The following GABARAPL1 variants were observed in gnomAD, a reference collection of about 807,000 sequenced individuals.
The protein encoded by GABARAPL1 is GABA type A receptor associated protein like 1.
Under a neutral mutation model 14.5 loss-of-function variants are expected in GABARAPL1, and 4 were observed. The ratio of observed to expected loss-of-function variants is 0.28; its 90% confidence interval spans 0.14 to 0.63. The LOEUF is 0.63. Among genes scored for constraint, GABARAPL1 ranks in the 30% least tolerant of loss-of-function variants. GABARAPL1 has a pLI of 0.84. For synonymous variants in GABARAPL1, 47 were observed against 50.6 expected, an observed-to-expected ratio of 0.93 and a Z score of 0.30; for missense variants, 82 against 139.2, an observed-to-expected ratio of 0.59 and a Z score of 2.07.
At chr12:10,218,174 C>T (rs763787334) in intron 2 of GABARAPL1, 33 bp downstream of exon 2, 27 of 1,300,076 alleles carry the variant, frequency 2.1e-5, no homozygotes, top group African/African-American at 1.3e-4. Context: ...ACCCTTCCTC[C>T]GGTGAAAAAA....
chr12:10,213,265 G>T, intron 1 of GABARAPL1, 46 bp downstream of exon 1: 1 of 1,219,356 alleles, frequency 8.2e-7, no homozygotes, highest in South Asian at 1.3e-5. Context: ...GGGCCCGCGG[G>T]GGCGGGGGCG....
chr12:10,221,865 C>G lies in GABARAPL1; in HGVS notation c.*13C>G. 1 of 1,613,450 alleles carries G rather than the reference C, an allele frequency of 6.2e-7. No individual in the cohort carries two copies. Among genetic ancestry groups the G allele is most frequent in the Non-Finnish European group, 8.5e-7 (1 of 1,179,550 alleles). The stretch of plus-strand genomic sequence containing the variant: ...CTATGGGAAATGAGTGGTTGGAAGC[C>G]CAGCAGATGGGAGCACCTGGACTTG... On this transcript the variant is annotated 3_prime_UTR_variant, in exon 4 of 4. Transcript: ENST00000266458.
In GABARAPL1 at chr12:10,221,940, C is replaced by T. The variant is rs1949122038; in HGVS notation, c.*88C>T. 8.6e-7 allele frequency: 1 copy of T among 1,158,852 alleles called. No homozygotes were observed. The highest frequency in any genetic ancestry group is 1.5e-5 in the African/African-American group (1 of 66,216). 71.8% of individuals were successfully genotyped at this position (1,158,852 alleles called of 1,614,324 possible). A position where few individuals can be genotyped will look rare whatever the true frequency, so the allele number is the denominator to read the frequency against. On this transcript the variant is annotated 3_prime_UTR_variant, in exon 4 of 4. Transcript: ENST00000266458. ...GCGACATGGGGAAAGAGGGTGGCTC[C>T]CACCGCAAGGAGACAGAAGGTGAAG... is the stretch of plus-strand genomic sequence containing the variant.
At chr12:10,220,245 CTG>C (rs1949113047) in intron 2 of GABARAPL1, among the ~76,000 whole-genome samples, 193 bp from the exon 3 acceptor site, 1 of 152,142 alleles carries the variant, frequency 6.6e-6, no homozygotes. Flanking sequence ...AAGTCAGGGA[CTG>C]TGTGGGCTTC....
chr12:10,222,079 A>T lies in GABARAPL1; in HGVS notation c.*227A>T, dbSNP rs994964154. On this transcript the variant is annotated 3_prime_UTR_variant, in exon 4 of 4. Transcript: ENST00000266458. ...AAGCATGTCAGGACAGAGCTGTTGG[A>T]TTGGCTTTGATAGAGGAATGGGGAT... is the stretch of plus-strand genomic sequence containing the variant. 2.4e-5 allele frequency: 13 copies of T among 539,476 alleles called. No homozygotes were observed. The Admixed American group carries it at 4.0e-4, about 17-fold the overall frequency. The allele number at this position is 539,476 out of a possible 1,614,324, so 33.4% of individuals were successfully genotyped here. A position where few individuals can be genotyped will look rare whatever the true frequency, so the allele number is the denominator to read the frequency against.
intron 1 of GABARAPL1, among the ~76,000 whole-genome samples, chr12:10,216,634 G>A (rs1949091694): frequency 6.7e-6 from 1 of 149,638 alleles, no homozygotes; most frequent in Non-Finnish European, 1.5e-5. Flanking sequence ...CTGCCTCCCA[G>A]GTTCATGCGA....
rs1380082324 is a variant in GABARAPL1 at position 10,222,491 on chromosome 12, A to G, written c.*639A>G. 3.3e-5 allele frequency: 5 copies of G among 153,194 alleles called. No individual in the cohort carries two copies. The highest frequency in any genetic ancestry group is 7.3e-5 in the Non-Finnish European group (5 of 68,472). 9.5% of individuals were successfully genotyped at this position (153,194 alleles called of 1,614,324 possible). ...TACCTTTGGAAAATAGGGGTTAGGC[A>G]TGAAGGTGGTTGTGATTAAGAAGAT... is the stretch of plus-strand genomic sequence containing the variant. On this transcript the variant is annotated 3_prime_UTR_variant, in exon 4 of 4. Coordinates refer to ENST00000266458, the MANE Select transcript of GABARAPL1 (RefSeq NM_031412.4).
intron 2 of GABARAPL1, among the ~76,000 whole-genome samples, chr12:10,219,356 C>T (rs538466970): frequency 2.3e-4 from 35 of 151,084 alleles, no homozygotes; most frequent in Admixed American, 1.8e-3. Context: ...CCCCAAAATT[C>T]GGCTTTGTTA....
rs374900507 is a variant in GABARAPL1, at chr12:10,218,167, C to T, written c.169+26C>T. 3 of 1,381,148 alleles carry T rather than the reference C, an allele frequency of 2.2e-6. No individual in the cohort carries two copies. The Admixed American group carries it at 5.0e-5, about 23-fold the overall frequency. The allele number at this position is 1,381,148 out of a possible 1,614,324, so 85.6% of individuals were successfully genotyped here. ...GTAATGCTCTTTGCCTTCCCTGACC[C>T]TTCCTCCGGTGAAAAAACTCTCTAG... On this transcript the variant is annotated intron_variant, in intron 2 of 3. Transcript: ENST00000266458.
At chr12:10,219,661 A>G (rs1038682774) in intron 2 of GABARAPL1, among the ~76,000 whole-genome samples, 54 of 151,714 alleles carry the variant, frequency 3.6e-4, no homozygotes, top group African/African-American at 1.2e-3. Flanking sequence ...TTAGCTGGGC[A>G]TGGTGGCGCG....
Position 10,212,986 on chromosome 12 carries a change from A to C in GABARAPL1, c.-144A>C. The stretch of plus-strand genomic sequence containing the variant: ...TCCCCGCCCCGAACCCCCCCTGCAC[A>C]CTCGGCCCAGCGCTGTTGCCCCCGG... On this transcript the variant is annotated 5_prime_UTR_variant, in exon 1 of 4. Transcript: ENST00000266458. The C allele has an allele frequency of 1.5e-4, 78 of 523,528 alleles. No homozygotes were observed. Among genetic ancestry groups the C allele is most frequent in the East Asian group, 2.0e-4 (6 of 30,622 alleles). 32.4% of individuals were successfully genotyped at this position (523,528 alleles called of 1,614,324 possible).
chr12:10,217,447 G>A (rs560196945), intron 1 of GABARAPL1, among the ~76,000 whole-genome samples: 11 of 152,240 alleles, frequency 7.2e-5, no homozygotes, highest in Admixed American at 6.5e-4. Context: ...AATACCAGAA[G>A]GTGGCCAGGC....
Position 10,222,034 on chromosome 12 carries a change from G to A in GABARAPL1, c.*182G>A, listed in dbSNP as rs745531829. 76 of 611,858 alleles carry A rather than the reference G, an allele frequency of 1.2e-4. No individual in the cohort carries two copies. The highest frequency in any genetic ancestry group is 2.0e-4 in the Non-Finnish European group (70 of 341,644). The allele number at this position is 611,858 out of a possible 1,614,324, so 37.9% of individuals were successfully genotyped here. On this transcript the variant is annotated 3_prime_UTR_variant, in exon 4 of 4. Transcript: ENST00000266458. Reference sequence around the variant, plus strand: ...ACATGCTCAATTGATATTTTTTGCTGCTTCCTCGGCCCAGGGAGAAAGCAT... The same window carrying A: ...ACATGCTCAATTGATATTTTTTGCTACTTCCTCGGCCCAGGGAGAAAGCAT...
rs1382814348 is a variant in GABARAPL1 at position 10,213,218 on chromosome 12, C to G, written c.89C>G (p.Pro30Arg). 6.4e-7 allele frequency: 1 copy of G among 1,556,904 alleles called. No homozygotes were observed. Among genetic ancestry groups the G allele is most frequent in the African/African-American group, 1.4e-5 (1 of 74,016 alleles). ...KIRKKYPDRVPVIVEKAPKAR... is the reference protein window; with the variant it reads ...KIRKKYPDRVRVIVEKAPKAR... ...CGGAAGAAATATCCGGACAGGGTCC[C>G]CGTGAGTGTAGAGGAGCGGAGGGGA... The change falls in exon 1 of 4, where the codon CCC (proline) becomes CGC (arginine). Residue 30 changes from proline (P) to arginine (R), a missense_variant and splice_region_variant. Coordinates refer to ENST00000266458, the MANE Select transcript of GABARAPL1 (RefSeq NM_031412.4).
intron 3 of GABARAPL1, 109 bp from the exon 4 acceptor site, chr12:10,221,678 G>A: frequency 8.0e-7 from 1 of 1,249,268 alleles, no homozygotes; most frequent in East Asian, 2.4e-5. Context: ...TTTTAAATGG[G>A]GACTAATGAT....
At chr12:10,221,006 ACT>A in intron 3 of GABARAPL1, 1 of 985,366 alleles carries the variant, frequency 1.0e-6, no homozygotes, top group Non-Finnish European at 1.2e-6. Flanking sequence ...GCTCCTTCTA[ACT>A]CTGAGGCCAG....
At chr12:10,213,979 G>A in intron 1 of GABARAPL1, 1 of 428,596 alleles carries the variant, frequency 2.3e-6, no homozygotes, top group Admixed American at 2.6e-5. Context: ...CAGGCAGTGA[G>A]TAGGAACAGA....
intron 2 of GABARAPL1, 53 bp from the exon 3 acceptor site, chr12:10,220,387 A>G (rs1949113677): frequency 1.2e-6 from 2 of 1,609,374 alleles, no homozygotes; most frequent in African/African-American, 1.3e-5. Context: ...CCCTTCTACT[A>G]ATTCCTTGTT....
chr12:10,220,341 G>A, intron 2 of GABARAPL1, 99 bp from the exon 3 acceptor site: 1 of 1,554,686 alleles, frequency 6.4e-7, no homozygotes, highest in Non-Finnish European at 8.7e-7. Flanking sequence ...TGACTCTAAG[G>A]TGAAAAAATG....
Sources: gnomAD v4.1 joint callset for allele counts (sites outside exome capture counted in the v4.1 genomes callset) on GRCh38, gnomAD v4.1.1 for gene constraint, MANE v1.5 for transcripts, NCBI Gene and HGNC (gene_info 2026-07-23, HGNC 2026-07-21) for gene names.